ADAMTS18: variants seen among roughly 807,000 people sequenced by gnomAD.
The protein encoded by ADAMTS18 is A disintegrin and metalloproteinase with thrombospondin motifs 18.
A neutral mutation model predicts 165.9 loss-of-function variants in ADAMTS18; 157 were observed. The ratio of observed to expected loss-of-function variants is 0.95; its 90% confidence interval spans 0.83 to 1.08. ADAMTS18 has a LOEUF of 1.08. Among genes scored for constraint, ADAMTS18 ranks in the 50% least tolerant of loss-of-function variants. The pLI, the probability that ADAMTS18 is intolerant of heterozygous loss-of-function variation, is 0.00. For synonymous variants in ADAMTS18, 782 were observed against 578.2 expected, an observed-to-expected ratio of 1.35 and a Z score of -5.06; for missense variants, 2,040 against 1,534.0, an observed-to-expected ratio of 1.33 and a Z score of -5.51.
chr16:77,345,618 T>A (rs916275139), intron 10 of ADAMTS18, among the ~76,000 whole-genome samples: 1 of 152,220 alleles, frequency 6.6e-6, no homozygotes, highest in African/African-American at 2.4e-5. Context: ...TATTATCCAA[T>A]ATGATAGTTA....
chr16:77,314,483 A>C (rs1318413247), intron 16 of ADAMTS18, among the ~76,000 whole-genome samples: 1 of 151,100 alleles, frequency 6.6e-6, no homozygotes, highest in East Asian at 2.0e-4. Context: ...ATGGTAGTGC[A>C]CGCCTGTAAT....
chr16:77,295,336 T>C (rs17713016), intron 18 of ADAMTS18, among the ~76,000 whole-genome samples: 3,749 of 152,262 alleles, frequency 0.025, 137 homozygotes, highest in East Asian at 0.2. Context: ...ATCCCACAGT[T>C]CTACAAATAT....
At chr16:77,417,040 T>C (rs2057539671) in intron 3 of ADAMTS18, among the ~76,000 whole-genome samples, 1 of 152,168 alleles carries the variant, frequency 6.6e-6, no homozygotes, top group Non-Finnish European at 1.5e-5. Flanking sequence ...TAAAAATCAG[T>C]CTCATCACTT....
intron 3 of ADAMTS18, among the ~76,000 whole-genome samples, chr16:77,425,897 T>A (rs1161541375): frequency 6.6e-6 from 1 of 151,910 alleles, no homozygotes; most frequent in African/African-American, 2.4e-5. Flanking sequence ...AACAAAAAAA[T>A]TAGCCAGGCG....
chr16:77,286,490 C>T (rs1028116606), intron 22 of ADAMTS18, among the ~76,000 whole-genome samples: 10 of 152,168 alleles, frequency 6.6e-5, no homozygotes, highest in African/African-American at 2.2e-4. Context: ...GAATTACCTT[C>T]TTTAATACTC....
intron 16 of ADAMTS18, among the ~76,000 whole-genome samples, chr16:77,310,258 C>T (rs1342501492): frequency 1.3e-5 from 2 of 152,258 alleles, no homozygotes; most frequent in East Asian, 3.9e-4. Flanking sequence ...TCTTAAACAT[C>T]CCACGATGTT....
chr16:77,325,409 G>A (rs1260252644), intron 13 of ADAMTS18, among the ~76,000 whole-genome samples: 1 of 152,090 alleles, frequency 6.6e-6, no homozygotes, highest in Non-Finnish European at 1.5e-5. Context: ...ATGATTCTGT[G>A]TGTGTGTCTG....
At chr16:77,290,635 GCTGTGCAGCAACATCTGCT>G (rs2055344329) in intron 21 of ADAMTS18, 1 of 160,540 alleles carries the variant, frequency 6.2e-6, no homozygotes, top group African/African-American at 2.4e-5. Context: ...GAACTGAACA[GCTGTGCAGCAACATCTGCT>G]GGGTGGAATG....
chr16:77,339,518 A>T (rs1324862540), intron 11 of ADAMTS18, among the ~76,000 whole-genome samples: 1 of 151,786 alleles, frequency 6.6e-6, no homozygotes, highest in African/African-American at 2.4e-5. Context: ...GACCTAGGTG[A>T]TGTATCACTT....
At chr16:77,363,477 CTACA>C (rs1469381358) in intron 6 of ADAMTS18, among the ~76,000 whole-genome samples, 1 of 151,814 alleles carries the variant, frequency 6.6e-6, no homozygotes, top group Non-Finnish European at 1.5e-5. Context: ...TTTGCGAAGC[CTACA>C]TAAGATTTAT....
intron 3 of ADAMTS18, among the ~76,000 whole-genome samples, chr16:77,394,811 T>A (rs1030836899): frequency 5.9e-5 from 9 of 152,218 alleles, no homozygotes; most frequent in African/African-American, 2.2e-4. Context: ...CATTAATTCA[T>A]CAGGCTTGAG....
intron 3 of ADAMTS18, among the ~76,000 whole-genome samples, chr16:77,416,277 G>C (rs2057528845): frequency 6.6e-6 from 1 of 152,186 alleles, no homozygotes; most frequent in African/African-American, 2.4e-5. Context: ...GAAGAGCTCA[G>C]TGGCATGCAC....
chr16:77,303,430 C>T (rs879591908), intron 16 of ADAMTS18, among the ~76,000 whole-genome samples: 2 of 152,170 alleles, frequency 1.3e-5, no homozygotes, highest in Non-Finnish European at 2.9e-5. Context: ...ATAGGGAATA[C>T]CCTTCCAGTT....
Position 77,360,756 on chromosome 16 carries a change from T to G in ADAMTS18, c.1217-1333A>C, listed in dbSNP as rs182843803. On this transcript the variant is annotated intron_variant, in intron 7 of 22. Transcript: ENST00000282849. ...TTAAAATAAACTTATTTATAGGACA[T>G]AACAGAGAAACTGCAGAGAATTTGA... Among the ~76,000 whole-genome samples, 3 of 152,282 alleles carry G rather than the reference T, an allele frequency of 2.0e-5. No individual in the cohort carries two copies. The East Asian group carries it at 5.8e-4, about 29-fold the overall frequency.
At chr16:77,381,798 T>C (rs1024596833) in intron 3 of ADAMTS18, among the ~76,000 whole-genome samples, 1 of 152,190 alleles carries the variant, frequency 6.6e-6, no homozygotes, top group South Asian at 2.1e-4. Flanking sequence ...CGAGACTCCA[T>C]CTCAAAAAAA....
chr16:77,374,360 A>G (rs1429230849), intron 3 of ADAMTS18, among the ~76,000 whole-genome samples: 1 of 152,178 alleles, frequency 6.6e-6, no homozygotes, highest in Non-Finnish European at 1.5e-5. Flanking sequence ...GAACTTGTCT[A>G]TATTTCAGAC....
chr16:77,385,687 G>T (rs143957529), intron 3 of ADAMTS18, among the ~76,000 whole-genome samples: 6 of 152,166 alleles, frequency 3.9e-5, no homozygotes, highest in Non-Finnish European at 8.8e-5. Flanking sequence ...AGTACGCTAC[G>T]TGGCATCAAC....
chr16:77,283,431 A>G lies in ADAMTS18; in HGVS notation c.*525T>C, dbSNP rs1408099998. The G allele has an allele frequency of 1.9e-5, 3 of 161,062 alleles. No individual in the cohort carries two copies. The highest frequency in any genetic ancestry group is 7.2e-5 in the African/African-American group (3 of 41,510). The allele number at this position is 161,062 out of a possible 1,614,324, so 10.0% of individuals were successfully genotyped here. A position where few individuals can be genotyped will look rare whatever the true frequency, so the allele number is the denominator to read the frequency against. On this transcript the variant is annotated 3_prime_UTR_variant, in exon 23 of 23. Transcript: ENST00000282849. Reference sequence around the variant, plus strand: ...ATAACATGAAGCTTGCCAGTCCAGCAGCAAGCACAATTGCGAGCACCATTT... The same window carrying G: ...ATAACATGAAGCTTGCCAGTCCAGCGGCAAGCACAATTGCGAGCACCATTT...
At chr16:77,410,572 ACG>A (rs2057449084) in intron 3 of ADAMTS18, among the ~76,000 whole-genome samples, 1 of 152,166 alleles carries the variant, frequency 6.6e-6, no homozygotes, top group South Asian at 2.1e-4. Flanking sequence ...AAGCCTAGAA[ACG>A]GGAAATAATT....
Sources: allele counts gnomAD v4.1 joint callset (sites outside exome capture counted in the v4.1 genomes callset), GRCh38; gene constraint gnomAD v4.1.1; transcripts MANE v1.5; gene names NCBI Gene and HGNC (gene_info 2026-07-23, HGNC 2026-07-21).